DAPK1: variants seen among roughly 807,000 people sequenced by gnomAD.
The protein encoded by DAPK1 is death-associated protein kinase 1.
DAPK1 carries 56 observed loss-of-function variants against 144.9 expected under a neutral mutation model. The observed-to-expected ratio is 0.39, with a 90% CI of 0.31 to 0.48. The LOEUF (loss-of-function observed/expected upper bound fraction) is 0.48. Ranked by LOEUF, DAPK1 falls within the 20% of genes least tolerant of loss-of-function variation. The pLI, the probability that DAPK1 is intolerant of heterozygous loss-of-function variation, is 0.95. For synonymous variants in DAPK1, 690 were observed against 749.0 expected, an observed-to-expected ratio of 0.92 and a Z score of 1.29; for missense variants, 1,454 against 1,875.4, an observed-to-expected ratio of 0.78 and a Z score of 4.15.
At chr9:87,636,716 GT>G (rs958782637) in intron 3 of DAPK1, among the ~76,000 whole-genome samples, 3 of 152,196 alleles carry the variant, frequency 2.0e-5, no homozygotes, top group African/African-American at 7.2e-5. Context: ...AAGGTATAAT[GT>G]TTGGGGAGCG....
rs867659394 is a variant in DAPK1 at position 87,706,615 on chromosome 9, G to A, written c.3544G>A (p.Glu1182Lys). ...NGCKLANRGA[E>K]LLVLLVNHGQ... Reference sequence around the variant, plus strand: ...CTGCAAGCTGGCCAACCGTGGGGCCGAGCTGCTGGTGCTGCTGGTCAACCA... The same window carrying A: ...CTGCAAGCTGGCCAACCGTGGGGCCAAGCTGCTGGTGCTGCTGGTCAACCA... The change falls in exon 26 of 26, where the codon GAG becomes AAG. Residue 1182 changes from glutamate to lysine, a missense_variant. Glu to Lys is a moderately conservative substitution (Grantham distance 56). Transcript: ENST00000408954. The surrounding 1 kb of genome is among the most constrained non-coding windows in gnomAD (Gnocchi z 9.0). The A allele has an allele frequency of 4.3e-6, 7 of 1,613,028 alleles. No individual in the cohort carries two copies. The highest frequency in any genetic ancestry group is 2.7e-5 in the African/African-American group (2 of 74,930).
At chr9:87,690,828 C>T (rs1004747941) in intron 21 of DAPK1, among the ~76,000 whole-genome samples, 7 of 151,838 alleles carry the variant, frequency 4.6e-5, no homozygotes, top group Non-Finnish European at 1.0e-4. Flanking sequence ...TTTGTTCTTT[C>T]TGTTGATGTG....
chr9:87,583,013 G>A (rs1827808257), intron 2 of DAPK1, among the ~76,000 whole-genome samples: 2 of 152,096 alleles, frequency 1.3e-5, no homozygotes, highest in Admixed American at 6.5e-5. Context: ...TGACCTCTGC[G>A]ATCTCGGGAT....
intron 3 of DAPK1, among the ~76,000 whole-genome samples, chr9:87,627,426 G>A (rs916793377): frequency 2.0e-5 from 3 of 152,112 alleles, no homozygotes; most frequent in Non-Finnish European, 4.4e-5. Context: ...AAATCGCAGG[G>A]TTCTTGTGCC....
chr9:87,680,653 G>GCACACACA (rs35117625), intron 19 of DAPK1, among the ~76,000 whole-genome samples: 1 of 150,452 alleles, frequency 6.6e-6, no homozygotes, highest in Non-Finnish European at 1.5e-5. Flanking sequence ...ACACACACAC[G>GCACACACA]CGCACACACA....
chr9:87,657,066 C>G (rs962855876), intron 17 of DAPK1, among the ~76,000 whole-genome samples: 1 of 152,090 alleles, frequency 6.6e-6, no homozygotes, highest in African/African-American at 2.4e-5. Context: ...AATTCCCAAA[C>G]TTTCTCAGTT....
intron 3 of DAPK1, among the ~76,000 whole-genome samples, chr9:87,609,869 G>A (rs1372678050): frequency 1.3e-5 from 2 of 152,184 alleles, no homozygotes; most frequent in Non-Finnish European, 2.9e-5. Context: ...CTGAGGGTTA[G>A]TGATGAAGCG....
chr9:87,644,465 T>G (rs949415217), intron 11 of DAPK1, among the ~76,000 whole-genome samples: 2 of 152,006 alleles, frequency 1.3e-5, no homozygotes, highest in Admixed American at 6.6e-5. Context: ...CAAGCTCCCC[T>G]TTTTTCTCCT....
At chr9:87,607,430 A>G (rs909639154) in intron 3 of DAPK1, among the ~76,000 whole-genome samples, 4 of 152,154 alleles carry the variant, frequency 2.6e-5, no homozygotes, top group Admixed American at 2.6e-4. Flanking sequence ...ATTTCATACT[A>G]AAATATTTGA....
intron 2 of DAPK1, among the ~76,000 whole-genome samples, chr9:87,600,579 C>T (rs574060146): frequency 6.6e-6 from 1 of 151,848 alleles, no homozygotes. Context: ...CGCGGCAGAG[C>T]GAGACCCTGT....
At chr9:87,689,165 A>G (rs562589764) in intron 21 of DAPK1, among the ~76,000 whole-genome samples, 2 of 152,082 alleles carry the variant, frequency 1.3e-5, no homozygotes, top group African/African-American at 4.8e-5. Flanking sequence ...CTTACCAGCT[A>G]TCCCAGCGCC....
intron 2 of DAPK1, among the ~76,000 whole-genome samples, chr9:87,579,201 G>T (rs1480566589): frequency 2.0e-5 from 3 of 152,166 alleles, no homozygotes; most frequent in African/African-American, 4.8e-5. Context: ...CACTTCTTCA[G>T]TGCATCACAA....
intron 2 of DAPK1, among the ~76,000 whole-genome samples, chr9:87,597,145 T>C (rs1476547207): frequency 6.6e-6 from 1 of 152,198 alleles, no homozygotes; most frequent in Non-Finnish European, 1.5e-5. Flanking sequence ...CCAGGATCAC[T>C]TCTGCCACAT....
intron 2 of DAPK1, among the ~76,000 whole-genome samples, chr9:87,576,178 GCA>G (rs941263442): frequency 3.3e-5 from 5 of 152,178 alleles, no homozygotes; most frequent in African/African-American, 7.2e-5. Flanking sequence ...ACACACGCAT[GCA>G]CACACATGCG....
intron 11 of DAPK1, among the ~76,000 whole-genome samples, chr9:87,645,117 T>C (rs1046155349): frequency 6.6e-6 from 1 of 152,180 alleles, no homozygotes; most frequent in African/African-American, 2.4e-5. Flanking sequence ...GATTTGAAAT[T>C]CCAGTGGTCA....
At chr9:87,647,210 C>G (rs893261690) in intron 13 of DAPK1, 95 bp from the exon 14 acceptor site, 27 of 1,006,378 alleles carry the variant, frequency 2.7e-5, no homozygotes, top group Non-Finnish European at 4.1e-5. Context: ...GGTTTGTCAT[C>G]ACACAGGAAG....
chr9:87,543,881 A>G (rs1826143642), intron 2 of DAPK1, among the ~76,000 whole-genome samples: 1 of 152,062 alleles, frequency 6.6e-6, no homozygotes, highest in African/African-American at 2.4e-5. Context: ...AGTTTTAAGG[A>G]TTGAGGACTC....
chr9:87,555,038 A>G (rs1826652383), intron 2 of DAPK1, among the ~76,000 whole-genome samples: 1 of 152,212 alleles, frequency 6.6e-6, no homozygotes, highest in South Asian at 2.1e-4. Context: ...ACCTCTGAAG[A>G]GTCCTGAGCA....
intron 3 of DAPK1, among the ~76,000 whole-genome samples, chr9:87,623,508 C>T (rs1829380873): frequency 6.6e-6 from 1 of 152,124 alleles, no homozygotes; most frequent in Non-Finnish European, 1.5e-5. Flanking sequence ...ATCCCTGAAA[C>T]ATAAGGTTTT....
Sources: gnomAD v4.1 joint callset for allele counts (sites outside exome capture counted in the v4.1 genomes callset) on GRCh38, gnomAD v4.1.1 for gene constraint, Gnocchi (gnomAD v3.1) non-coding constraint, MANE v1.5 for transcripts, NCBI Gene and HGNC (gene_info 2026-07-23, HGNC 2026-07-21) for gene names.